PTPN9: variants seen among roughly 807,000 people sequenced by gnomAD.
The protein encoded by PTPN9 is protein tyrosine phosphatase non-receptor type 9, also known as tyrosine-protein phosphatase non-receptor type 9.
In PTPN9, 26 loss-of-function variants were observed where a neutral mutation model predicts 69.8. That is an observed-to-expected ratio of 0.37 (90% CI 0.27 to 0.52). The LOEUF is 0.52. PTPN9 is among the 20% of genes least tolerant of loss of function. The probability of loss-of-function intolerance (pLI) is 0.91; values close to 1 mark genes in which losing one functional copy is unlikely to be tolerated. For synonymous variants in PTPN9, 274 were observed against 272.5 expected (o/e 1.01, Z -0.05); for missense variants, 549 against 740.3 (o/e 0.74, Z 3.00).
At position 75,505,700 on chromosome 15, in the gene PTPN9, G is replaced by T; in HGVS notation, c.943C>A (p.Pro315Thr). ...ATGGAACAGTGGAAAGTGCCAACAG[G>T]GTTCTCACGACGAATGTCTTCATAT... ...EEYEDIRREN[P>T]VGTFHCSMSP... The change falls in exon 7 of 13, where the codon CCT (proline) becomes ACT (threonine). Residue 315 changes from proline to threonine, a missense_variant. Around this residue, in one of 3 missense-constraint regions of PTPN9, gnomAD observed 457 missense variants for 661.9 expected, o/e 0.69. Coordinates refer to ENST00000618819, the MANE Select transcript of PTPN9 (RefSeq NM_002833.4). 6.2e-7 allele frequency: 1 copy of T among 1,613,954 alleles called. No homozygotes were observed. The highest frequency in any genetic ancestry group is 8.5e-7 in the Non-Finnish European group (1 of 1,179,956).
chr15:75,541,217 A>G (rs957875598), intron 1 of PTPN9, among the ~76,000 whole-genome samples: 2 of 150,902 alleles, frequency 1.3e-5, no homozygotes, highest in Non-Finnish European at 3.0e-5. Flanking sequence ...CCTCCCTAGT[A>G]GCTGGAACTA....
intron 1 of PTPN9, among the ~76,000 whole-genome samples, chr15:75,575,911 T>C (rs1595974887): frequency 4.0e-5 from 3 of 75,906 alleles, no homozygotes; most frequent in Admixed American, 2.0e-4. Flanking sequence ...AGAGCAAGAC[T>C]CCATCTCAAA....
At chr15:75,499,794 A>C (rs887430711) in intron 7 of PTPN9, among the ~76,000 whole-genome samples, 1 of 152,086 alleles carries the variant, frequency 6.6e-6, no homozygotes, top group Non-Finnish European at 1.5e-5. Context: ...AAAAGCACCG[A>C]GAGCAAGGTG....
At chr15:75,499,399 CTTT>C (rs71440245) in intron 7 of PTPN9, among the ~76,000 whole-genome samples, 5 of 84,522 alleles carry the variant, frequency 5.9e-5, no homozygotes, top group Non-Finnish European at 8.6e-5. Flanking sequence ...TCTAAACCCA[CTTT>C]TTTTTTTTTT....
At chr15:75,499,007 G>C (rs1199051924) in intron 7 of PTPN9, among the ~76,000 whole-genome samples, 1 of 152,144 alleles carries the variant, frequency 6.6e-6, no homozygotes, top group Non-Finnish European at 1.5e-5. Context: ...GTTATCATGG[G>C]ATAACTGTAG....
intron 9 of PTPN9, among the ~76,000 whole-genome samples, chr15:75,475,542 C>T (rs1347956305): frequency 1.3e-5 from 2 of 151,940 alleles, no homozygotes; most frequent in Non-Finnish European, 2.9e-5. Context: ...AAACCAAGAT[C>T]GCACCATTGA....
At chr15:75,532,443 C>T (rs1384515624) in intron 1 of PTPN9, among the ~76,000 whole-genome samples, 1 of 152,000 alleles carries the variant, frequency 6.6e-6, no homozygotes, top group African/African-American at 2.4e-5. Flanking sequence ...ATAAATAAAC[C>T]ATGTCCTAAT....
intron 8 of PTPN9, among the ~76,000 whole-genome samples, chr15:75,485,703 T>C (rs2074671583): frequency 6.6e-6 from 1 of 151,680 alleles, no homozygotes. Context: ...ACATTATTTC[T>C]TTATAACTAA....
chr15:75,481,744 G>T, intron 8 of PTPN9, among the ~76,000 whole-genome samples: 1 of 60,504 alleles, frequency 1.7e-5, no homozygotes, highest in East Asian at 5.8e-4. Flanking sequence ...CCCTGTCCGG[G>T]AGGTGAGGGG....
rs1435750445 is a variant in PTPN9 at position 75,568,011 on chromosome 15, G to C, written c.63+10703C>G. 9.3e-5 allele frequency among the ~76,000 whole-genome samples: 13 copies of C among 139,582 alleles called. No individual in the cohort carries two copies. In the East Asian group the frequency reaches 1.0e-3, roughly 11 times the overall value. The allele number at this position is 139,582 out of a possible 152,430, so 91.6% of individuals were successfully genotyped here. On this transcript the variant is annotated intron_variant, in intron 1 of 12. Coordinates refer to ENST00000618819, the MANE Select transcript of PTPN9 (RefSeq NM_002833.4). ...ACTCCGTCTCAAAAAAAAAAAAAAA[G>C]AAAACAAAAACTGAAATGCTTATCT... is the stretch of plus-strand genomic sequence containing the variant.
intron 1 of PTPN9, among the ~76,000 whole-genome samples, chr15:75,538,933 G>T (rs1009910624): frequency 1.3e-5 from 2 of 152,034 alleles, no homozygotes; most frequent in Non-Finnish European, 2.9e-5. Flanking sequence ...ACTTTGTGAG[G>T]CTGAGGCAGG....
rs771402137 is a variant in PTPN9 at position 75,479,912 on chromosome 15, T to C, written c.1065A>G (p.Thr355=). ...KLTKRSGHTQ[T]DYINASFMDG... is the part of the protein sequence containing the mutation. Reference sequence around the variant, plus strand: ...CCATGAAACTGGCATTGATGTAATCTGTCTAATGATAAAAAGGAGACATCA... The same window carrying C: ...CCATGAAACTGGCATTGATGTAATCCGTCTAATGATAAAAAGGAGACATCA... Residue 355 remains threonine (T), a splice_region_variant and synonymous_variant, in exon 9 of 13, where the codon ACA becomes ACG. Coordinates refer to ENST00000618819, the MANE Select transcript of PTPN9 (RefSeq NM_002833.4). The C allele has an allele frequency of 6.2e-7, 1 of 1,601,332 alleles. No homozygotes were observed. Among genetic ancestry groups the C allele is most frequent in the Non-Finnish European group, 8.5e-7 (1 of 1,172,078 alleles).
intron 1 of PTPN9, among the ~76,000 whole-genome samples, chr15:75,530,568 T>C (rs2074953218): frequency 1.2e-5 from 1 of 84,622 alleles, no homozygotes; most frequent in African/African-American, 5.0e-5. Flanking sequence ...TATATTATTA[T>C]ATTATAATAT....
chr15:75,517,443 A>G, intron 4 of PTPN9, 79 bp from the exon 5 acceptor site: 1 of 1,110,472 alleles, frequency 9.0e-7, no homozygotes, highest in Non-Finnish European at 1.3e-6. Flanking sequence ...TGCCAAAACA[A>G]AACCTGAGAG....
intron 9 of PTPN9, among the ~76,000 whole-genome samples, chr15:75,476,611 G>A (rs1022489387): frequency 1.3e-5 from 2 of 152,108 alleles, no homozygotes; most frequent in African/African-American, 2.4e-5. Flanking sequence ...CACCGTGCCC[G>A]GCCTGGTTAA....
intron 1 of PTPN9, among the ~76,000 whole-genome samples, chr15:75,567,688 GC>G (rs1438160713): frequency 1.3e-5 from 2 of 152,106 alleles, no homozygotes; most frequent in Non-Finnish European, 2.9e-5. Context: ...TACAGAAACG[GC>G]CTTTCCCAAA....
At chr15:75,551,153 T>C (rs1391322926) in intron 1 of PTPN9, among the ~76,000 whole-genome samples, 1 of 152,194 alleles carries the variant, frequency 6.6e-6, no homozygotes, top group Non-Finnish European at 1.5e-5. Context: ...CAGGCTGAAC[T>C]TGAATTCCTG....
chr15:75,544,832 A>G (rs574152978), intron 1 of PTPN9, among the ~76,000 whole-genome samples: 1 of 152,218 alleles, frequency 6.6e-6, no homozygotes, highest in East Asian at 1.9e-4. Flanking sequence ...TCTTCTTCCA[A>G]CTGATAGCTT....
intron 7 of PTPN9, among the ~76,000 whole-genome samples, chr15:75,503,992 C>T (rs1321401312): frequency 3.9e-5 from 5 of 127,812 alleles, no homozygotes; most frequent in Non-Finnish European, 8.4e-5. Flanking sequence ...GTGAGGAGCC[C>T]CTCTGCCGGG....
Sources: gnomAD v4.1 joint callset for allele counts (sites outside exome capture counted in the v4.1 genomes callset) on GRCh38, gnomAD v4.1.1 for gene constraint, gnomAD v4.1.1 regional missense constraint, MANE v1.5 for transcripts, NCBI Gene and HGNC (gene_info 2026-07-23, HGNC 2026-07-21) for gene names.